The following EXOC4 variants were observed in gnomAD, a reference collection of about 807,000 sequenced individuals.
The protein encoded by EXOC4 is SEC8-like 1.
Under a neutral mutation model 107.2 loss-of-function variants are expected in EXOC4, and 71 were observed. That is an observed-to-expected ratio of 0.66 (90% CI 0.55 to 0.81). EXOC4 has a LOEUF of 0.81. EXOC4 is among the 30% of genes least tolerant of loss of function. The probability of loss-of-function intolerance (pLI) is 0.00; values close to 1 mark genes in which losing one functional copy is unlikely to be tolerated. For synonymous variants in EXOC4, 456 were observed against 441.2 expected, an observed-to-expected ratio of 1.03 and a Z score of -0.42; for missense variants, 1,108 against 1,189.6, an observed-to-expected ratio of 0.93 and a Z score of 1.01.
In EXOC4 at chr7:133,514,985, A is replaced by C. The variant is rs115716163; in HGVS notation, c.1417+34847A>C. Among the ~76,000 whole-genome samples the C allele has an allele frequency of 5.4e-3, 820 of 152,274 alleles. 9 individuals are homozygous for C. Among genetic ancestry groups the C allele is most frequent in the African/African-American group, 0.019 (769 of 41,548 alleles). On this transcript the variant is annotated intron_variant, in intron 9 of 17. Coordinates refer to ENST00000253861, the MANE Select transcript of EXOC4 (RefSeq NM_021807.4). ...CACTTCAGTCTTTATCATTAATGAGAAGCTCAGATTGATAAAGTAATATTA... is the reference window on the plus strand; with the variant it reads ...CACTTCAGTCTTTATCATTAATGAGCAGCTCAGATTGATAAAGTAATATTA...
At chr7:133,592,228 A>C (rs1051075236) in intron 9 of EXOC4, among the ~76,000 whole-genome samples, 27 of 151,994 alleles carry the variant, frequency 1.8e-4, no homozygotes, top group African/African-American at 6.3e-4. Context: ...CATCCAGTGA[A>C]TTTTTTAAAA....
chr7:133,643,693 A>G (rs1224541474), intron 10 of EXOC4, among the ~76,000 whole-genome samples: 1 of 152,244 alleles, frequency 6.6e-6, no homozygotes, highest in African/African-American at 2.4e-5. Flanking sequence ...AGTTAACAAT[A>G]CTTAAATGCT....
intron 10 of EXOC4, among the ~76,000 whole-genome samples, chr7:133,720,101 G>A (rs1027861761): frequency 2.0e-5 from 3 of 152,104 alleles, no homozygotes; most frequent in Non-Finnish European, 2.9e-5. Flanking sequence ...TTCCTATCTC[G>A]TTAACTAGAA....
At chr7:133,661,199 G>T (rs1803431886) in intron 10 of EXOC4, among the ~76,000 whole-genome samples, 1 of 152,064 alleles carries the variant, frequency 6.6e-6, no homozygotes, top group Admixed American at 6.6e-5. Flanking sequence ...CTGCTTGGCA[G>T]TCTCTTGCTG....
chr7:133,895,522 A>G (rs1276115546), intron 11 of EXOC4, 77 bp from the exon 12 acceptor site: 1 of 1,414,758 alleles, frequency 7.1e-7, no homozygotes, highest in Non-Finnish European at 9.8e-7. Context: ...AAATTATGAC[A>G]TACTTGGAGT....
chr7:133,382,498 G>GTACAGTTT (rs1563044359), intron 7 of EXOC4, among the ~76,000 whole-genome samples: 4 of 152,080 alleles, frequency 2.6e-5, no homozygotes, highest in African/African-American at 9.7e-5. Flanking sequence ...AAGTTTCTAT[G>GTACAGTTT]TACAGTTTTA....
At chr7:133,677,578 C>T (rs1477039959) in intron 10 of EXOC4, among the ~76,000 whole-genome samples, 3 of 152,134 alleles carry the variant, frequency 2.0e-5, no homozygotes, top group African/African-American at 7.2e-5. Context: ...TTGGCTTTTT[C>T]TTTCTTTATA....
chr7:134,048,746 A>T (rs1327852181), intron 17 of EXOC4, among the ~76,000 whole-genome samples: 2 of 152,090 alleles, frequency 1.3e-5, no homozygotes, highest in Non-Finnish European at 2.9e-5. Context: ...TGAGAGCCTG[A>T]TGTGTTGTTC....
chr7:133,317,665 ACT>A (rs1235964565), intron 5 of EXOC4, among the ~76,000 whole-genome samples: 2 of 151,962 alleles, frequency 1.3e-5, no homozygotes, highest in African/African-American at 4.8e-5. Flanking sequence ...TTTGACCAGC[ACT>A]GTTTTTCTTT....
intron 5 of EXOC4, among the ~76,000 whole-genome samples, chr7:133,343,368 T>G (rs1455197860): frequency 1.3e-5 from 2 of 152,100 alleles, no homozygotes; most frequent in Admixed American, 6.5e-5. Context: ...AGTCTTGGGA[T>G]GTGATCTGTC....
At chr7:133,825,183 CT>C (rs1478560567) in intron 11 of EXOC4, among the ~76,000 whole-genome samples, 1 of 146,398 alleles carries the variant, frequency 6.8e-6, no homozygotes, top group East Asian at 2.0e-4. Context: ...GCAACTGTCT[CT>C]AAAAAAAAAA....
At chr7:133,275,910 A>G (rs1403262272) in intron 2 of EXOC4, among the ~76,000 whole-genome samples, 3 of 151,920 alleles carry the variant, frequency 2.0e-5, no homozygotes, top group Non-Finnish European at 4.4e-5. Flanking sequence ...GGCTCAAGCA[A>G]TCCTCCTGCC....
At chr7:133,426,618 CTG>C (rs1225467846) in intron 7 of EXOC4, among the ~76,000 whole-genome samples, 1 of 152,190 alleles carries the variant, frequency 6.6e-6, no homozygotes, top group African/African-American at 2.4e-5. Flanking sequence ...ATTATGAAAA[CTG>C]TTACCATGTC....
chr7:133,922,296 C>T (rs1390467540), intron 13 of EXOC4, among the ~76,000 whole-genome samples: 3 of 152,164 alleles, frequency 2.0e-5, no homozygotes, highest in Admixed American at 6.5e-5. Flanking sequence ...AGTGCCTTCT[C>T]GTCCTCCTTC....
chr7:134,024,051 G>A (rs184920271), intron 17 of EXOC4, among the ~76,000 whole-genome samples: 45 of 152,314 alleles, frequency 3.0e-4, no homozygotes, highest in Non-Finnish European at 5.9e-4. Flanking sequence ...ACACCTTACA[G>A]GGAGAATGAG....
chr7:134,097,488 G>T, the EXOC4 span, among the ~76,000 whole-genome samples: 2 of 152,128 alleles, frequency 1.3e-5, no homozygotes, highest in Non-Finnish European at 2.9e-5. Flanking sequence ...GAGACTTTTT[G>T]TAGTTCCCTG....
the EXOC4 span, among the ~76,000 whole-genome samples, chr7:134,083,606 C>G: frequency 6.6e-6 from 1 of 152,164 alleles, no homozygotes; most frequent in Non-Finnish European, 1.5e-5. Flanking sequence ...GTGGGAACAG[C>G]TCTCAGGCTG....
intron 11 of EXOC4, among the ~76,000 whole-genome samples, chr7:133,889,269 A>C (rs1288883872): frequency 6.6e-6 from 1 of 152,054 alleles, no homozygotes; most frequent in East Asian, 1.9e-4. Flanking sequence ...CGACTTGAAA[A>C]TCCCTATTCT....
intron 9 of EXOC4, among the ~76,000 whole-genome samples, chr7:133,526,165 G>A (rs1347950798): frequency 1.3e-5 from 2 of 152,128 alleles, no homozygotes; most frequent in Non-Finnish European, 2.9e-5. Flanking sequence ...GGCTCTTTCT[G>A]TTTTGAGAGA....
Sources: allele counts gnomAD v4.1 joint callset (sites outside exome capture counted in the v4.1 genomes callset), GRCh38; gene constraint gnomAD v4.1.1; transcripts MANE v1.5; gene names NCBI Gene and HGNC (gene_info 2026-07-23, HGNC 2026-07-21).